ALMS1: variants seen among roughly 807,000 people sequenced by gnomAD.
ALMS1 encodes the protein centrosome-associated protein ALMS1.
Under a neutral mutation model 352.2 loss-of-function variants are expected in ALMS1, and 271 were observed. The observed-to-expected ratio is 0.77, with a 90% CI of 0.70 to 0.85. The LOEUF is 0.85. ALMS1 is among the 40% of genes least tolerant of loss of function. The pLI is 0.00. For missense variants in ALMS1, 5,445 were observed against 4,870.7 expected (o/e 1.12, Z -3.51); for synonymous variants, 1,865 against 1,761.2 (o/e 1.06, Z -1.48).
In ALMS1 at chr2:73,490,466, T is replaced by C. The variant is rs1672955589; in HGVS notation, c.8507T>C (p.Ile2836Thr). The change falls in exon 10 of 23, where the codon ATT becomes ACT. Residue 2836 changes from isoleucine (I) to threonine (T), a missense_variant. Transcript: ENST00000613296. ...TRANCSNFKE[I>T]QISDNHTLIS... The stretch of plus-strand genomic sequence containing the variant: ...GCAAATTGTAGCAATTTCAAGGAAA[T>C]TCAGATTTCTGATAACCATACCCTT... 1 of 1,614,136 alleles carries C rather than the reference T, an allele frequency of 6.2e-7. No individual in the cohort carries two copies. Among genetic ancestry groups the C allele is most frequent in the East Asian group, 2.2e-5 (1 of 44,878 alleles).
At chr2:73,557,424 C>A (rs1270745271) in intron 14 of ALMS1, 70 bp downstream of exon 14, 15 of 1,587,482 alleles carry the variant, frequency 9.4e-6, no homozygotes, top group Admixed American at 1.7e-5. Flanking sequence ...CCCTTAAGAA[C>A]AGAAACAGAA....
chr2:73,435,878 CA>C (rs755171086), intron 7 of ALMS1, among the ~76,000 whole-genome samples: 10 of 152,168 alleles, frequency 6.6e-5, no homozygotes, highest in Non-Finnish European at 1.5e-4. Flanking sequence ...ACGTGTGAGC[CA>C]CCATGCCAGC....
At chr2:73,568,312 T>A (rs1674845482) in intron 15 of ALMS1, among the ~76,000 whole-genome samples, 1 of 152,188 alleles carries the variant, frequency 6.6e-6, no homozygotes, top group Admixed American at 6.5e-5. Context: ...TTGGATGATA[T>A]CTAACTAATG....
rs1324461672 is a variant in ALMS1, at chr2:73,599,099, A to C, written c.11548-302A>C. Reference sequence around the variant, plus strand: ...TGTGCAGGTGTCACTTCAGAATTTCATTCTGAAGATGCATCAGACTAATGT... The same window carrying C: ...TGTGCAGGTGTCACTTCAGAATTTCCTTCTGAAGATGCATCAGACTAATGT... On this transcript the variant is annotated intron_variant, in intron 16 of 22. Transcript: ENST00000613296. Among the ~76,000 whole-genome samples, 10 of 152,218 alleles carry C rather than the reference A, an allele frequency of 6.6e-5. No homozygotes were observed. The South Asian group carries it at 1.4e-3, about 22-fold the overall frequency.
rs116137117 is a variant in ALMS1, at chr2:73,567,927, G to A, written c.10385-4335G>A. ...TCTTCATGGTAGAAAATATCATAAT[G>A]CAAAATCAATTTATAAATGAATAAT... On this transcript the variant is annotated intron_variant, in intron 15 of 22. Transcript: ENST00000613296. Among the ~76,000 whole-genome samples the A allele has an allele frequency of 9.8e-3, 1,493 of 152,102 alleles. 28 individuals are homozygous for A. Among genetic ancestry groups the A allele is most frequent in the African/African-American group, 0.034 (1,402 of 41,518 alleles).
In ALMS1 at chr2:73,426,486, T is replaced by C; in HGVS notation, c.1271T>C (p.Ile424Thr). Residue 424 changes from isoleucine to threonine, a missense_variant, in exon 6 of 23, where the codon ATT (isoleucine) becomes ACT (threonine). Physicochemically the swap from Ile to Thr is moderately conservative, Grantham distance 89. Coordinates refer to ENST00000613296, the MANE Select transcript of ALMS1 (RefSeq NM_001378454.1). The stretch of plus-strand genomic sequence containing the variant: ...CAGGGGAAGGTTGAGTCTGACGTCA[T>C]TACTCTGGATGGCCTAAATGAAAAT... ...GLQGKVESDV[I>T]TLDGLNENAV... 6.2e-7 allele frequency: 1 copy of C among 1,614,106 alleles called. No homozygotes were observed. The highest frequency in any genetic ancestry group is 8.5e-7 in the Non-Finnish European group (1 of 1,179,968).
In ALMS1 at chr2:73,600,783, T is replaced by G; in HGVS notation, c.11774T>G (p.Val3925Gly). Residue 3925 changes from valine to glycine, a missense_variant, in exon 18 of 23, where the codon GTG (valine) becomes GGG (glycine). Physicochemically the swap from Val to Gly is moderately radical, Grantham distance 109 (BLOSUM62 -3). Transcript: ENST00000613296. ...SEAKLEENSDVTSWSEEKREE... is the reference protein window; with the variant it reads ...SEAKLEENSDGTSWSEEKREE... ...GCTAAATTGGAAGAGAACAGTGATGTGACTTCTTGGTCAGAAGAAAAACGT... is the reference window on the plus strand; with the variant it reads ...GCTAAATTGGAAGAGAACAGTGATGGGACTTCTTGGTCAGAAGAAAAACGT... The G allele has an allele frequency of 6.2e-7, 1 of 1,614,208 alleles. No homozygotes were observed. Among genetic ancestry groups the G allele is most frequent in the Non-Finnish European group, 8.5e-7 (1 of 1,180,018 alleles).
chr2:73,578,095 C>A (rs137983535), intron 16 of ALMS1, among the ~76,000 whole-genome samples: 72 of 152,144 alleles, frequency 4.7e-4, no homozygotes, highest in Non-Finnish European at 7.8e-4. Flanking sequence ...ATTGTTATAT[C>A]CTCTTCATGG....
chr2:73,388,211 C>T (rs1312995972), intron 1 of ALMS1, among the ~76,000 whole-genome samples: 1 of 152,144 alleles, frequency 6.6e-6, no homozygotes, highest in Non-Finnish European at 1.5e-5. Flanking sequence ...TGACTTCTTG[C>T]TTGAATAACT....
At chr2:73,564,035 T>A (rs773301772) in intron 15 of ALMS1, among the ~76,000 whole-genome samples, 5 of 151,744 alleles carry the variant, frequency 3.3e-5, no homozygotes, top group Non-Finnish European at 5.9e-5. Flanking sequence ...ATGTGGGGTG[T>A]GTGTGGCTGT....
At chr2:73,405,224 CT>C (rs1302278968) in intron 1 of ALMS1, among the ~76,000 whole-genome samples, 1 of 151,890 alleles carries the variant, frequency 6.6e-6, no homozygotes, top group Non-Finnish European at 1.5e-5. Context: ...ATGGGCTTTT[CT>C]TTTGTGGGAG....
chr2:73,581,583 A>G (rs1295740143), intron 16 of ALMS1, among the ~76,000 whole-genome samples: 1 of 152,122 alleles, frequency 6.6e-6, no homozygotes, highest in East Asian at 1.9e-4. Flanking sequence ...CTATCTTCCA[A>G]AGTTCAGATA....
intron 10 of ALMS1, among the ~76,000 whole-genome samples, chr2:73,498,017 T>G (rs955318385): frequency 6.6e-6 from 1 of 152,288 alleles, no homozygotes; most frequent in Admixed American, 6.5e-5. Flanking sequence ...ATGAATTTTT[T>G]GGTTTCCCAG....
chr2:73,403,602 T>C (rs1670914913), intron 1 of ALMS1, among the ~76,000 whole-genome samples: 1 of 152,156 alleles, frequency 6.6e-6, no homozygotes, highest in African/African-American at 2.4e-5. Flanking sequence ...TTGTGTTGAC[T>C]TTGTATTGCT....
intron 1 of ALMS1, among the ~76,000 whole-genome samples, chr2:73,404,497 G>A (rs780695998): frequency 4.0e-5 from 6 of 151,604 alleles, no homozygotes; most frequent in African/African-American, 1.2e-4. Flanking sequence ...ATGAAAGGGT[G>A]TTGAATTTTG....
intron 7 of ALMS1, among the ~76,000 whole-genome samples, chr2:73,439,690 A>G (rs1485470397): frequency 1.3e-5 from 2 of 151,394 alleles, no homozygotes; most frequent in African/African-American, 4.8e-5. Context: ...ATAGGTGCAC[A>G]CCACCATACC....
chr2:73,487,660 C>A (rs1043027684), intron 9 of ALMS1, among the ~76,000 whole-genome samples: 2 of 152,142 alleles, frequency 1.3e-5, no homozygotes, highest in African/African-American at 4.8e-5. Flanking sequence ...TTTGGTGGAT[C>A]CTGAGCTCTT....
chr2:73,388,392 G>A (rs1054751092), intron 1 of ALMS1, among the ~76,000 whole-genome samples: 1 of 152,110 alleles, frequency 6.6e-6, no homozygotes, highest in Non-Finnish European at 1.5e-5. Context: ...ACCTTTGTAC[G>A]TGATAGTGTA....
At chr2:73,505,145 C>T (rs1428005979) in intron 10 of ALMS1, among the ~76,000 whole-genome samples, 2 of 152,216 alleles carry the variant, frequency 1.3e-5, no homozygotes, top group Middle Eastern at 3.4e-3. Context: ...TGGGTTGGTT[C>T]TAAGTCTTTG....
Sources: allele counts gnomAD v4.1 joint callset (sites outside exome capture counted in the v4.1 genomes callset), GRCh38; gene constraint gnomAD v4.1.1; transcripts MANE v1.5; gene names NCBI Gene and HGNC (gene_info 2026-07-23, HGNC 2026-07-21).